IL7: variants seen among roughly 807,000 people sequenced by gnomAD.
IL7 encodes the protein interleukin-7.
A neutral mutation model predicts 21.6 loss-of-function variants in IL7; 3 were observed. The observed-to-expected ratio is 0.14, with a 90% CI of 0.06 to 0.36. The LOEUF (loss-of-function observed/expected upper bound fraction) is 0.36, where lower values mean the gene tolerates loss of function less well. Ranked by LOEUF, IL7 falls within the 10% of genes least tolerant of loss-of-function variation. The pLI is 1.00. For missense variants in IL7, 175 were observed against 200.2 expected, an observed-to-expected ratio of 0.87 and a Z score of 0.76; for synonymous variants, 62 against 68.1, an observed-to-expected ratio of 0.91 and a Z score of 0.44.
chr8:78,692,937 T>A (rs1340516310), intron 3 of IL7, among the ~76,000 whole-genome samples: 3 of 152,100 alleles, frequency 2.0e-5, no homozygotes, highest in Non-Finnish European at 2.9e-5. Context: ...TGTGTCCAAG[T>A]GCTCTCATTG....
At chr8:78,734,107 C>T (rs536916586) in intron 5 of IL7, among the ~76,000 whole-genome samples, 1 of 152,248 alleles carries the variant, frequency 6.6e-6, no homozygotes, top group Admixed American at 6.5e-5. Flanking sequence ...CATAATAACA[C>T]TGTTTGGAAT....
Position 78,800,011 on chromosome 8 carries a change from T to A in IL7, c.11-1803A>T, listed in dbSNP as rs374013239. ...CAGTGGTGAAGTCTGGGCTTTAGTG[T>A]ATCTATCACCTGAATAGTGAACATG... On this transcript the variant is annotated intron_variant, in intron 1 of 5. Coordinates refer to ENST00000263851, the MANE Select transcript of IL7 (RefSeq NM_000880.4). 1.8e-4 allele frequency among the ~76,000 whole-genome samples: 28 copies of A among 152,338 alleles called. No homozygotes were observed. The East Asian group carries it at 4.8e-3, about 26-fold the overall frequency.
At chr8:78,676,377 A>G (rs922441953) in intron 4 of IL7, among the ~76,000 whole-genome samples, 11 of 152,004 alleles carry the variant, frequency 7.2e-5, no homozygotes, top group Non-Finnish European at 1.5e-4. Context: ...ATGTAAAAGT[A>G]CACCTAAAAT....
downstream of IL7, chr8:78,717,460 C>A: frequency 6.3e-7 from 1 of 1,595,368 alleles, no homozygotes; most frequent in Admixed American, 1.8e-5. Context: ...CCAAATTTTG[C>A]TGTGAATGTG....
At chr8:78,676,440 G>A (rs1016861493) in intron 4 of IL7, among the ~76,000 whole-genome samples, 13 of 151,808 alleles carry the variant, frequency 8.6e-5, no homozygotes, top group African/African-American at 2.7e-4. Flanking sequence ...AAATAAAAAC[G>A]CTTTTAACTA....
chr8:78,676,409 T>C (rs1278616535), intron 4 of IL7, among the ~76,000 whole-genome samples: 1 of 152,024 alleles, frequency 6.6e-6, no homozygotes, highest in Non-Finnish European at 1.5e-5. Context: ...TCTTAAGATA[T>C]GTTAGCTACT....
In IL7 at chr8:78,800,065, A is replaced by G. The variant is rs573978167; in HGVS notation, c.11-1857T>C. Among the ~76,000 whole-genome samples the G allele has an allele frequency of 6.6e-5, 10 of 152,204 alleles. No homozygotes were observed. The South Asian group carries it at 8.3e-4, about 13-fold the overall frequency. On this transcript the variant is annotated intron_variant, in intron 1 of 5. Coordinates refer to ENST00000263851, the MANE Select transcript of IL7 (RefSeq NM_000880.4). Reference sequence around the variant, plus strand: ...CCCAATAGGTAATTTTTCAATCCTTATCCCCCTCCTACTCTCCCACCTTTC... The same window carrying G: ...CCCAATAGGTAATTTTTCAATCCTTGTCCCCCTCCTACTCTCCCACCTTTC...
intron 2 of IL7, among the ~76,000 whole-genome samples, chr8:78,777,318 G>A (rs946744015): frequency 1.1e-4 from 17 of 152,144 alleles, no homozygotes; most frequent in African/African-American, 4.1e-4. Context: ...TGGAAGTCTG[G>A]CCAGGTATGA....
At chr8:78,681,270 T>A (rs1327800262) in intron 4 of IL7, among the ~76,000 whole-genome samples, 1 of 151,978 alleles carries the variant, frequency 6.6e-6, no homozygotes, top group African/African-American at 2.4e-5. Context: ...TGCTGAATAG[T>A]AGAAATGAAT....
In IL7 at chr8:78,804,996, T is replaced by C; in HGVS notation, c.-74A>G. 1 of 1,530,890 alleles carries C rather than the reference T, an allele frequency of 6.5e-7. No homozygotes were observed. The highest frequency in any genetic ancestry group is 1.8e-5 in the Admixed American group (1 of 54,672). The allele number at this position is 1,530,890 out of a possible 1,614,324, so 94.8% of individuals were successfully genotyped here. On this transcript the variant is annotated 5_prime_UTR_variant, in exon 1 of 6. Coordinates refer to ENST00000263851, the MANE Select transcript of IL7 (RefSeq NM_000880.4). ...GCAAGCTCTCACCGCCCATAGTCAC[T>C]CCCAGGACCCTGGTCTTCCGCGGAG...
intron 2 of IL7, among the ~76,000 whole-genome samples, chr8:78,748,079 G>T (rs1053124782): frequency 6.6e-6 from 1 of 152,180 alleles, no homozygotes; most frequent in Non-Finnish European, 1.5e-5. Flanking sequence ...GCTGAGAGAG[G>T]AAGAGACAGA....
intron 3 of IL7, among the ~76,000 whole-genome samples, chr8:78,687,492 GTT>G (rs919092014): frequency 1.4e-5 from 2 of 140,722 alleles, no homozygotes; most frequent in Non-Finnish European, 3.0e-5. Context: ...AATTATATAT[GTT>G]TATATAATAA....
chr8:78,736,065 G>T (rs1284978529), intron 5 of IL7, among the ~76,000 whole-genome samples: 1 of 150,644 alleles, frequency 6.6e-6, no homozygotes, highest in East Asian at 1.9e-4. Flanking sequence ...TAATAAAAGA[G>T]GTATATATAA....
At chr8:78,678,028 T>C (rs1172400304) in intron 4 of IL7, among the ~76,000 whole-genome samples, 1 of 152,062 alleles carries the variant, frequency 6.6e-6, no homozygotes, top group Non-Finnish European at 1.5e-5. Flanking sequence ...CTGGTGGGAG[T>C]GTAGCAGTGA....
chr8:78,763,620 A>G (rs1209065578), intron 2 of IL7, among the ~76,000 whole-genome samples: 2 of 152,200 alleles, frequency 1.3e-5, no homozygotes, highest in Non-Finnish European at 2.9e-5. Context: ...ACCAAAACTC[A>G]CACAAAAAGA....
chr8:78,702,608 A>G (rs954470482), intron 3 of IL7, among the ~76,000 whole-genome samples: 2 of 152,064 alleles, frequency 1.3e-5, no homozygotes, highest in African/African-American at 4.8e-5. Flanking sequence ...AGTCCTATAA[A>G]TTTCCCTTTT....
intron 2 of IL7, among the ~76,000 whole-genome samples, chr8:78,781,235 A>G (rs1813317787): frequency 6.6e-6 from 1 of 152,116 alleles, no homozygotes; most frequent in South Asian, 2.1e-4. Context: ...TAATATTCCT[A>G]TGTGTGCAGT....
At chr8:78,787,549 C>T (rs1370528288) in intron 2 of IL7, among the ~76,000 whole-genome samples, 3 of 152,286 alleles carry the variant, frequency 2.0e-5, no homozygotes, top group South Asian at 2.1e-4. Context: ...ACTGTGCTCT[C>T]TTTTTAACAA....
chr8:78,718,598 CCATT>C (rs1269029057), intron 6 of IL7: 6 of 151,668 alleles, frequency 4.0e-5, no homozygotes, highest in Admixed American at 3.9e-4. Flanking sequence ...TGTTGAAACA[CCATT>C]CACGTCACAT....
Sources: allele counts gnomAD v4.1 joint callset (sites outside exome capture counted in the v4.1 genomes callset), GRCh38; gene constraint gnomAD v4.1.1; transcripts MANE v1.5; gene names NCBI Gene and HGNC (gene_info 2026-07-23, HGNC 2026-07-21).